The following ESCO1 variants were observed in gnomAD, a reference collection of about 807,000 sequenced individuals.
The protein encoded by ESCO1 is N-acetyltransferase ESCO1.
A neutral mutation model predicts 83.5 loss-of-function variants in ESCO1; 33 were observed. The ratio of observed to expected loss-of-function variants is 0.40; its 90% CI spans 0.30 to 0.53. The LOEUF is 0.53. ESCO1 is among the 20% of genes least tolerant of loss of function. The pLI is 0.63. For missense variants in ESCO1, 855 were observed against 968.0 expected (o/e 0.88, Z 1.55); for synonymous variants, 332 against 324.3 (o/e 1.02, Z -0.25).
At position 21,530,351 on chromosome 18, in the gene ESCO1, T is replaced by C. The variant is rs1180238102; in HGVS notation, c.2515A>G (p.Ser839Gly). Residue 839 changes from serine to glycine, a missense_variant, in exon 12 of 12, where the codon AGC (serine) becomes GGC (glycine). Physicochemically the swap from Ser to Gly is moderately conservative, Grantham distance 56 (BLOSUM62 0). This residue lies in a region of ESCO1 where 129 missense variants were observed against 268.5 expected (regional missense o/e 0.48). Transcript: ENST00000269214. ...LVYNFINGQNST is the reference protein window; with the variant it reads ...LVYNFINGQNGT ...GTAGGCAAGAATTTGTTTTACGTGC[T>C]ATTCTGTCCATTAATAAAATTATAT... 7.5e-6 allele frequency: 12 copies of C among 1,600,352 alleles called. No homozygotes were observed. The highest frequency in any genetic ancestry group is 1.3e-5 in the African/African-American group (1 of 74,272).
At chr18:21,577,300 T>G (rs947637182) in intron 2 of ESCO1, among the ~76,000 whole-genome samples, 1 of 133,682 alleles carries the variant, frequency 7.5e-6, no homozygotes, top group Non-Finnish European at 1.5e-5. Flanking sequence ...GAGGTTGCAG[T>G]GAACTGAGAT....
Position 21,545,840 on chromosome 18 carries a change from G to A in ESCO1, c.1954-5831C>T, listed in dbSNP as rs368883215. On this transcript the variant is annotated intron_variant, in intron 8 of 11. Transcript: ENST00000269214. Reference sequence around the variant, plus strand: ...GCTACTCGGGGGGGCTGAGGCAGGAGGATCACCTGAACCCAGGAGGCGGAG... The same window carrying A: ...GCTACTCGGGGGGGCTGAGGCAGGAAGATCACCTGAACCCAGGAGGCGGAG... 1.3e-4 allele frequency among the ~76,000 whole-genome samples: 20 copies of A among 152,214 alleles called. No individual in the cohort carries two copies. In the Middle Eastern group the frequency reaches 0.017, roughly 129 times the overall value.
rs1254848845 is a variant in ESCO1, at chr18:21,573,009, A to G, written c.1530+305T>C. ...CCTAAGAAACGTACTTTCTATGGTT[A>G]TAATTAACAGAAAATCAGTGTGTTA... On this transcript the variant is annotated intron_variant, in intron 4 of 11. Transcript: ENST00000269214. Among the ~76,000 whole-genome samples, 3 of 152,066 alleles carry G rather than the reference A, an allele frequency of 2.0e-5. No homozygotes were observed. The East Asian group carries it at 5.8e-4, about 29-fold the overall frequency.
intron 7 of ESCO1, 79 bp downstream of exon 7, chr18:21,564,124 A>G: frequency 1.1e-6 from 1 of 921,972 alleles, no homozygotes; most frequent in Non-Finnish European, 1.7e-6. Context: ...CCAACCTCAG[A>G]TATCGTATTA....
intron 1 of ESCO1, among the ~76,000 whole-genome samples, chr18:21,600,158 G>A (rs2038822064): frequency 1.3e-5 from 2 of 152,242 alleles, no homozygotes; most frequent in Non-Finnish European, 1.5e-5. Context: ...AGGCGGCGAG[G>A]GACTGGCTCC....
At chr18:21,537,914 GC>G (rs1362266096) in intron 9 of ESCO1, among the ~76,000 whole-genome samples, 1 of 151,802 alleles carries the variant, frequency 6.6e-6, no homozygotes, top group African/African-American at 2.4e-5. Context: ...TATATGTAGG[GC>G]TTTTTTCAAT....
chr18:21,551,037 G>A (rs529798329), intron 8 of ESCO1, among the ~76,000 whole-genome samples: 5 of 151,664 alleles, frequency 3.3e-5, no homozygotes, highest in East Asian at 1.9e-4. Context: ...GCATGAACCC[G>A]GGAGGTAGAG....
At chr18:21,588,863 G>C (rs1370921733) in intron 1 of ESCO1, among the ~76,000 whole-genome samples, 2 of 152,116 alleles carry the variant, frequency 1.3e-5, no homozygotes, top group African/African-American at 4.8e-5. Flanking sequence ...TCCACTCCAA[G>C]CTGGGCAACA....
chr18:21,585,298 C>A (rs2038559572), intron 1 of ESCO1, among the ~76,000 whole-genome samples: 1 of 152,112 alleles, frequency 6.6e-6, no homozygotes, highest in Non-Finnish European at 1.5e-5. Context: ...TGGTCACATG[C>A]CTTATTTTGG....
intron 7 of ESCO1, among the ~76,000 whole-genome samples, chr18:21,562,737 G>A (rs1201421530): frequency 6.6e-6 from 1 of 151,774 alleles, no homozygotes; most frequent in African/African-American, 2.4e-5. Context: ...ACTCATTCAA[G>A]TTAGATTTTT....
intron 1 of ESCO1, among the ~76,000 whole-genome samples, chr18:21,587,843 G>A (rs896381651): frequency 6.6e-6 from 1 of 151,954 alleles, no homozygotes; most frequent in Non-Finnish European, 1.5e-5. Context: ...TGAGGCGGGA[G>A]GATCACTTGA....
chr18:21,599,010 G>A (rs1191011918), intron 1 of ESCO1, among the ~76,000 whole-genome samples: 1 of 149,752 alleles, frequency 6.7e-6, no homozygotes, highest in Non-Finnish European at 1.5e-5. Flanking sequence ...CTACTCCCAT[G>A]TCTAATTCCA....
chr18:21,568,651 C>T (rs2038296201), intron 4 of ESCO1, among the ~76,000 whole-genome samples: 1 of 152,088 alleles, frequency 6.6e-6, no homozygotes, highest in Admixed American at 6.6e-5. Context: ...GCCTGTAATC[C>T]CAGCACTTTG....
chr18:21,597,651 A>C (rs985117250), intron 1 of ESCO1, among the ~76,000 whole-genome samples: 3 of 152,168 alleles, frequency 2.0e-5, no homozygotes, highest in Non-Finnish European at 4.4e-5. Flanking sequence ...GGAGTCCTAC[A>C]TAATTTTTAA....
intron 4 of ESCO1, among the ~76,000 whole-genome samples, chr18:21,569,179 T>A (rs2038304194): frequency 6.6e-6 from 1 of 152,232 alleles, no homozygotes. Flanking sequence ...TTTCAATCAG[T>A]TATTTGTGTC....
At chr18:21,583,559 G>A (rs971968861) in intron 2 of ESCO1, among the ~76,000 whole-genome samples, 7 of 151,794 alleles carry the variant, frequency 4.6e-5, no homozygotes, top group Admixed American at 6.6e-5. Context: ...CAGGAGAACC[G>A]CTTGAACCCA....
At chr18:21,537,435 T>TG (rs779605587) in intron 9 of ESCO1, among the ~76,000 whole-genome samples, 15 of 152,164 alleles carry the variant, frequency 9.9e-5, no homozygotes, top group Non-Finnish European at 2.2e-4. Context: ...CTCAGGAGAC[T>TG]GGGGCAGGAG....
chr18:21,571,141 T>C (rs2038336045), intron 4 of ESCO1, among the ~76,000 whole-genome samples: 1 of 152,190 alleles, frequency 6.6e-6, no homozygotes, highest in Non-Finnish European at 1.5e-5. Flanking sequence ...GTTTGCAATA[T>C]TCCAGAATTT....
chr18:21,578,743 G>A (rs980822378), intron 2 of ESCO1, among the ~76,000 whole-genome samples: 5 of 152,144 alleles, frequency 3.3e-5, no homozygotes, highest in South Asian at 2.1e-4. Flanking sequence ...TGTTGTCCAG[G>A]CTAGAATGCA....
Sources: gnomAD v4.1 joint callset for allele counts (sites outside exome capture counted in the v4.1 genomes callset) on GRCh38, gnomAD v4.1.1 for gene constraint, gnomAD v4.1.1 regional missense constraint, MANE v1.5 for transcripts, NCBI Gene and HGNC (gene_info 2026-07-23, HGNC 2026-07-21) for gene names.